The following TBC1D9 variants were observed in gnomAD, a reference collection of about 807,000 sequenced individuals.
The protein encoded by TBC1D9 is TBC1 domain family member 9, also known as TBC1 domain family member 9A.
In TBC1D9, 63 loss-of-function variants were observed where a neutral mutation model predicts 132.0. The ratio of observed to expected loss-of-function variants is 0.48; its 90% CI spans 0.39 to 0.59. TBC1D9 has a LOEUF of 0.59. Among genes scored for constraint, TBC1D9 ranks in the 20% least tolerant of loss-of-function variants. TBC1D9 has a pLI of 0.00. For missense variants in TBC1D9, 1,261 were observed against 1,592.7 expected, an observed-to-expected ratio of 0.79 and a Z score of 3.54; for synonymous variants, 610 against 609.9, an observed-to-expected ratio of 1.00 and a Z score of 0.00.
At chr4:140,648,778 C>T (rs1737143211) in intron 13 of TBC1D9, among the ~76,000 whole-genome samples, 1 of 152,184 alleles carries the variant, frequency 6.6e-6, no homozygotes, top group South Asian at 2.1e-4. Context: ...TGTGGCCCTT[C>T]ATTTCATACC....
chr4:140,644,721 G>C, intron 13 of TBC1D9: 1 of 410,762 alleles, frequency 2.4e-6, no homozygotes, highest in Non-Finnish European at 4.8e-6. Flanking sequence ...GCAGCGAAAA[G>C]AGCTGCAACT....
chr4:140,674,914 C>T (rs1291502152), intron 6 of TBC1D9, among the ~76,000 whole-genome samples: 1 of 151,924 alleles, frequency 6.6e-6, no homozygotes, highest in Non-Finnish European at 1.5e-5. Flanking sequence ...TGCTATGTTG[C>T]CTAGGCTGGT....
rs745682577 is a variant in TBC1D9, at chr4:140,657,194, G to A, written c.2240C>T (p.Thr747Ile). ...GTGGAGGTGAGGAATGGGAGGCAGT[G>A]TGCTGTCTTTATTGGTCACACTGTC... ...YLDSVTNKDS[T>I]LPPIPHLHSL... Residue 747 changes from threonine (T) to isoleucine (I), a missense_variant, in exon 13 of 21, where the codon ACA becomes ATA. Transcript: ENST00000442267. The A allele has an allele frequency of 8.7e-6, 14 of 1,613,974 alleles. No homozygotes were observed. The highest frequency in any genetic ancestry group is 1.2e-5 in the Non-Finnish European group (14 of 1,179,862).
At chr4:140,692,410 G>A (rs953655140) in intron 2 of TBC1D9, among the ~76,000 whole-genome samples, 1 of 152,108 alleles carries the variant, frequency 6.6e-6, no homozygotes, top group African/African-American at 2.4e-5. Flanking sequence ...TGATAATTTT[G>A]AAGTTTCCAT....
intron 1 of TBC1D9, among the ~76,000 whole-genome samples, chr4:140,745,653 T>C (rs1738825987): frequency 1.3e-5 from 2 of 152,314 alleles, no homozygotes; most frequent in South Asian, 4.1e-4. Context: ...ACAAAAAATA[T>C]GTGTAATCAA....
intron 18 of TBC1D9, 54 bp downstream of exon 18, chr4:140,627,387 T>C (rs943704199): frequency 7.8e-6 from 9 of 1,158,768 alleles, no homozygotes; most frequent in Non-Finnish European, 1.0e-5. Flanking sequence ...TTTCCAATAA[T>C]GGAGGGCTCG....
chr4:140,676,160 C>T (rs945767966), intron 6 of TBC1D9, among the ~76,000 whole-genome samples: 1 of 152,194 alleles, frequency 6.6e-6, no homozygotes, highest in Non-Finnish European at 1.5e-5. Flanking sequence ...CGGCGTAGCC[C>T]ATTTCTTCCC....
intron 14 of TBC1D9, 48 bp from the exon 15 acceptor site, chr4:140,639,202 A>C: frequency 2.7e-6 from 4 of 1,507,356 alleles, no homozygotes; most frequent in Non-Finnish European, 3.6e-6. Context: ...AAAAAGTGCC[A>C]TGCTGGGAAA....
chr4:140,653,534 G>A (rs1275908546), intron 13 of TBC1D9, among the ~76,000 whole-genome samples: 1 of 152,110 alleles, frequency 6.6e-6, no homozygotes, highest in Non-Finnish European at 1.5e-5. Context: ...CTGGGATGGA[G>A]CCTAGGAGTT....
At position 140,624,003 on chromosome 4, in the gene TBC1D9, G is replaced by T. The variant is rs1313131874; in HGVS notation, c.3078+113C>A. Reference sequence around the variant, plus strand: ...AGGTCCAAATGGATACTAAGTAAAGGCCCCAGTTATTATTTTTGATGGGTA... The same window carrying T: ...AGGTCCAAATGGATACTAAGTAAAGTCCCCAGTTATTATTTTTGATGGGTA... On this transcript the variant is annotated intron_variant, in intron 20 of 20. Transcript: ENST00000442267. The T allele has an allele frequency of 1.3e-5, 9 of 670,024 alleles. No individual in the cohort carries two copies. In the East Asian group the frequency reaches 1.8e-4, roughly 13 times the overall value. 41.5% of individuals were successfully genotyped at this position (670,024 alleles called of 1,614,324 possible). A position where few individuals can be genotyped will look rare whatever the true frequency, so the allele number is the denominator to read the frequency against.
intron 1 of TBC1D9, among the ~76,000 whole-genome samples, chr4:140,701,970 G>A (rs957279535): frequency 2.6e-5 from 4 of 152,296 alleles, no homozygotes; most frequent in African/African-American, 9.6e-5. Flanking sequence ...CAAAACTGAA[G>A]AAGACAGCAT....
At chr4:140,746,296 T>C (rs1196010370) in intron 1 of TBC1D9, among the ~76,000 whole-genome samples, 1 of 152,196 alleles carries the variant, frequency 6.6e-6, no homozygotes, top group Non-Finnish European at 1.5e-5. Context: ...CGAGAAACTG[T>C]CTCCATCTCT....
intron 1 of TBC1D9, among the ~76,000 whole-genome samples, chr4:140,723,004 C>G (rs1032003826): frequency 6.6e-5 from 10 of 152,140 alleles, no homozygotes; most frequent in African/African-American, 2.4e-4. Context: ...AATGTTTAAC[C>G]TTTTCTTAGG....
chr4:140,636,969 C>G (rs4956468), intron 15 of TBC1D9, among the ~76,000 whole-genome samples: 36,016 of 152,066 alleles, frequency 0.24, 6,002 homozygotes, highest in African/African-American at 0.48. Context: ...TATAAGAAAA[C>G]TGCTTTCCTC....
At chr4:140,691,113 G>A (rs149502878) in intron 2 of TBC1D9, among the ~76,000 whole-genome samples, 216 of 152,240 alleles carry the variant, frequency 1.4e-3, no homozygotes, top group African/African-American at 4.9e-3. Flanking sequence ...AAAGTACGAG[G>A]ATACTGAAAA....
intron 1 of TBC1D9, among the ~76,000 whole-genome samples, chr4:140,733,931 C>T (rs1738636564): frequency 6.6e-6 from 1 of 151,840 alleles, no homozygotes; most frequent in Non-Finnish European, 1.5e-5. Context: ...CTCCTTCTCT[C>T]CTCCGCTCTT....
chr4:140,622,895 T>A lies in TBC1D9; in HGVS notation c.3101A>T (p.Lys1034Met), dbSNP rs1736643729. Residue 1034 changes from lysine (K) to methionine (M), a missense_variant, in exon 21 of 21, where the codon AAG becomes ATG. Lys to Met is a moderately conservative substitution (Grantham distance 95). Coordinates refer to ENST00000442267, the MANE Select transcript of TBC1D9 (RefSeq NM_015130.3). ...TTCGCTGAACATGTTATACATTGTC[T>A]TACACAGTTCAATGAACTGCCCCTG... is the stretch of plus-strand genomic sequence containing the variant. ...LNQGQFIELCKTMYNMFSEDP... is the reference protein window; with the variant it reads ...LNQGQFIELCMTMYNMFSEDP... 6.4e-7 allele frequency: 1 copy of A among 1,560,332 alleles called. No individual in the cohort carries two copies. The highest frequency in any genetic ancestry group is 1.4e-5 in the African/African-American group (1 of 73,734).
intron 2 of TBC1D9, among the ~76,000 whole-genome samples, chr4:140,687,168 T>C (rs1423320170): frequency 6.6e-6 from 1 of 151,462 alleles, no homozygotes; most frequent in Non-Finnish European, 1.5e-5. Flanking sequence ...TACTCTGTTT[T>C]TGCTCACAGC....
At chr4:140,627,117 C>A (rs1304573629) in intron 18 of TBC1D9, among the ~76,000 whole-genome samples, 1 of 152,200 alleles carries the variant, frequency 6.6e-6, no homozygotes, top group Non-Finnish European at 1.5e-5. Context: ...GACAGAAATG[C>A]TAGTTCCAAT....
Sources: allele counts gnomAD v4.1 joint callset (sites outside exome capture counted in the v4.1 genomes callset), GRCh38; gene constraint gnomAD v4.1.1; transcripts MANE v1.5; gene names NCBI Gene and HGNC (gene_info 2026-07-23, HGNC 2026-07-21).